The following SPON1 variants were observed in gnomAD, a reference collection of about 807,000 sequenced individuals.
SPON1 encodes the protein spondin 1, also known as spondin-1.
SPON1 carries 52 observed loss-of-function variants against 111.7 expected under a neutral mutation model. The ratio of observed to expected loss-of-function variants is 0.47; its 90% CI spans 0.37 to 0.59. The LOEUF (loss-of-function observed/expected upper bound fraction) is 0.59. Among genes scored for constraint, SPON1 ranks in the 20% least tolerant of loss-of-function variants. SPON1 has a pLI of 0.00. For missense variants in SPON1, 957 were observed against 1,068.5 expected, an observed-to-expected ratio of 0.90 and a Z score of 1.46; for synonymous variants, 410 against 395.8, an observed-to-expected ratio of 1.04 and a Z score of -0.43.
rs528410225 is a variant in SPON1 at position 14,037,581 on chromosome 11, T to G, written c.346-3940T>G. 3.4e-5 allele frequency among the ~76,000 whole-genome samples: 5 copies of G among 146,448 alleles called. No individual in the cohort carries two copies. In the South Asian group the frequency reaches 1.1e-3, roughly 31 times the overall value. The stretch of plus-strand genomic sequence containing the variant: ...CCTTACACCCCTCACAAAAATTAAC[T>G]CAAAATGGATTACAGACCTAAGTGT... On this transcript the variant is annotated intron_variant, in intron 2 of 15. Transcript: ENST00000576479.
chr11:14,034,844 G>A (rs192158580), intron 2 of SPON1, among the ~76,000 whole-genome samples: 241 of 152,288 alleles, frequency 1.6e-3, no homozygotes, highest in Non-Finnish European at 2.2e-3. Flanking sequence ...ATGTTAACTC[G>A]ATATGAGTGC....
intron 6 of SPON1, among the ~76,000 whole-genome samples, chr11:14,215,198 G>C (rs1439403973): frequency 6.6e-6 from 1 of 152,120 alleles, no homozygotes; most frequent in Admixed American, 6.6e-5. Context: ...TGGGACTACA[G>C]GTATGCACCA....
chr11:14,168,208 C>T (rs1411869795), intron 6 of SPON1, among the ~76,000 whole-genome samples: 3 of 152,134 alleles, frequency 2.0e-5, no homozygotes, highest in African/African-American at 7.2e-5. Flanking sequence ...TTTCAAAAGT[C>T]AAACAGTTTG....
chr11:14,082,490 T>G (rs970387149), intron 5 of SPON1, among the ~76,000 whole-genome samples: 2 of 152,234 alleles, frequency 1.3e-5, no homozygotes, highest in Admixed American at 6.5e-5. Context: ...GATGACGTGC[T>G]TATCTTTGAT....
chr11:13,978,122 C>A (rs1416581501), intron 1 of SPON1, among the ~76,000 whole-genome samples: 2 of 152,164 alleles, frequency 1.3e-5, no homozygotes, highest in African/African-American at 4.8e-5. Flanking sequence ...ATTTTTCTTA[C>A]CTTGCTATAG....
intron 15 of SPON1, 70 bp downstream of exon 15, chr11:14,263,045 G>T: frequency 1.3e-5 from 17 of 1,282,744 alleles, no homozygotes; most frequent in Non-Finnish European, 1.8e-5. Flanking sequence ...CTAAGTCTTG[G>T]ACCTGTTTAA....
intron 5 of SPON1, among the ~76,000 whole-genome samples, chr11:14,095,438 AGATAGATAGAT>A (rs1168313098): frequency 7.1e-5 from 10 of 141,378 alleles, no homozygotes; most frequent in African/African-American, 2.0e-4. Context: ...ATAGATAGAT[AGATAGATAGAT>A]AATACATTTT....
chr11:13,998,149 C>T (rs546628190), intron 2 of SPON1, among the ~76,000 whole-genome samples: 4 of 152,298 alleles, frequency 2.6e-5, no homozygotes, highest in African/African-American at 9.6e-5. Context: ...CATACACACC[C>T]ATGAAGTAGG....
chr11:14,253,879 TCTTTC>T (rs1270011829), intron 7 of SPON1, among the ~76,000 whole-genome samples: 10 of 152,370 alleles, frequency 6.6e-5, no homozygotes, highest in East Asian at 3.9e-4. Context: ...CGAATGTGAC[TCTTTC>T]CTTTCCAGCC....
intron 6 of SPON1, among the ~76,000 whole-genome samples, chr11:14,183,397 C>A (rs1848254797): frequency 6.6e-6 from 1 of 152,324 alleles, no homozygotes; most frequent in African/African-American, 2.4e-5. Context: ...GGTATAGACC[C>A]TTTACCACAC....
intron 6 of SPON1, among the ~76,000 whole-genome samples, chr11:14,144,913 C>A (rs1554929175): frequency 6.6e-6 from 1 of 152,006 alleles, no homozygotes; most frequent in Non-Finnish European, 1.5e-5. Context: ...CCCAAGGGTG[C>A]CCAACCTTAT....
chr11:14,103,567 T>G (rs547983961), intron 5 of SPON1, among the ~76,000 whole-genome samples: 1 of 152,320 alleles, frequency 6.6e-6, no homozygotes, highest in Admixed American at 6.5e-5. Context: ...ACTCCATCTA[T>G]CCTCTTTTTC....
chr11:14,218,456 C>A (rs1848648123), intron 6 of SPON1, among the ~76,000 whole-genome samples: 1 of 152,184 alleles, frequency 6.6e-6, no homozygotes, highest in African/African-American at 2.4e-5. Flanking sequence ...AAAATATGAT[C>A]TCCCTGAGGG....
At chr11:13,974,956 A>G (rs1030088011) in intron 1 of SPON1, among the ~76,000 whole-genome samples, 1 of 152,134 alleles carries the variant, frequency 6.6e-6, no homozygotes, top group Non-Finnish European at 1.5e-5. Context: ...CCCATCACAC[A>G]TTTCTGCTAC....
intron 6 of SPON1, among the ~76,000 whole-genome samples, chr11:14,160,670 TAC>T (rs1256282698): frequency 9.2e-5 from 2 of 21,624 alleles, no homozygotes; most frequent in South Asian, 2.3e-3. Flanking sequence ...TATATATATT[TAC>T]ATATATTTAT....
At chr11:14,032,437 T>G (rs528219087) in intron 2 of SPON1, among the ~76,000 whole-genome samples, 2 of 152,330 alleles carry the variant, frequency 1.3e-5, no homozygotes, top group South Asian at 4.1e-4. Flanking sequence ...GCCTGTGGTG[T>G]TAATGCTTCC....
At chr11:14,166,015 G>T (rs1305430866) in intron 6 of SPON1, among the ~76,000 whole-genome samples, 1 of 152,112 alleles carries the variant, frequency 6.6e-6, no homozygotes, top group Non-Finnish European at 1.5e-5. Flanking sequence ...GATAACTTGG[G>T]GTTCCTGGGC....
At chr11:14,018,642 A>T (rs1376536122) in intron 2 of SPON1, among the ~76,000 whole-genome samples, 2 of 152,210 alleles carry the variant, frequency 1.3e-5, no homozygotes, top group Non-Finnish European at 2.9e-5. Context: ...TCTGCAGAGC[A>T]TGCTGGGAGA....
intron 2 of SPON1, among the ~76,000 whole-genome samples, chr11:14,008,956 C>T (rs1458271716): frequency 6.6e-6 from 1 of 152,204 alleles, no homozygotes; most frequent in African/African-American, 2.4e-5. Flanking sequence ...ACCAACTTCT[C>T]CCCTTCTCAG....
Sources: gnomAD v4.1 joint callset for allele counts (sites outside exome capture counted in the v4.1 genomes callset) on GRCh38, gnomAD v4.1.1 for gene constraint, MANE v1.5 for transcripts, NCBI Gene and HGNC (gene_info 2026-07-23, HGNC 2026-07-21) for gene names.